GAPDH: variants seen among roughly 807,000 people sequenced by gnomAD.
The protein encoded by GAPDH is OCAS, p38 component.
GAPDH carries 13 observed loss-of-function variants against 31.2 expected under a neutral mutation model. That is an observed-to-expected ratio of 0.42 (90% CI 0.27 to 0.66). The LOEUF (loss-of-function observed/expected upper bound fraction) is 0.66, where lower values mean the gene tolerates loss of function less well. Among genes scored for constraint, GAPDH ranks in the 30% least tolerant of loss-of-function variants. The pLI, the probability that GAPDH is intolerant of heterozygous loss-of-function variation, is 0.26. For missense variants in GAPDH, 300 were observed against 443.7 expected (o/e 0.68, Z 2.91); for synonymous variants, 211 against 166.9 (o/e 1.26, Z -2.04).
Position 6,537,738 on chromosome 12 carries a change from A to G in GAPDH, c.680A>G (p.Lys227Arg). The G allele has an allele frequency of 6.2e-7, 1 of 1,611,712 alleles. No individual in the cohort carries two copies. The highest frequency in any genetic ancestry group is 1.1e-5 in the South Asian group (1 of 90,992). ...AAGGTCATCCCTGAGCTGAACGGGA[A>G]GCTCACTGGCATGGCCTTCCGTGTC... ...VGKVIPELNG[K>R]LTGMAFRVPT... Residue 227 changes from lysine to arginine, a missense_variant, in exon 8 of 9, where the codon AAG becomes AGG. Coordinates refer to ENST00000229239, the MANE Select transcript of GAPDH (RefSeq NM_002046.7). The surrounding 1 kb of genome is among the most constrained non-coding windows in gnomAD (Gnocchi z 4.9).
At chr12:6,536,427 C>A in intron 2 of GAPDH, 67 bp from the exon 3 acceptor site, 1 of 1,165,334 alleles carries the variant, frequency 8.6e-7, no homozygotes, top group Non-Finnish European at 1.3e-6. Context: ...GGGGAGGTGG[C>A]CTAGGGCTGC....
At chr12:6,535,116 C>A in intron 2 of GAPDH, 2 of 839,380 alleles carry the variant, frequency 2.4e-6, no homozygotes. Context: ...GTCCCTACTC[C>A]CGCCCGAGAT....
Position 6,537,341 on chromosome 12 carries a change from C to T in GAPDH, c.476C>T (p.Pro159Leu). ...TCCTGCACCACCAACTGCTTAGCACCCCTGGCCAAGGTCATCCATGACAAC... is the reference window on the plus strand; with the variant it reads ...TCCTGCACCACCAACTGCTTAGCACTCCTGGCCAAGGTCATCCATGACAAC... ...NASCTTNCLA[P>L]LAKVIHDNFG... The change falls in exon 7 of 9, where the codon CCC becomes CTC. Residue 159 changes from proline (P) to leucine (L), a missense_variant. By Grantham distance (98) the Pro-to-Leu change is moderately conservative. Coordinates refer to ENST00000229239, the MANE Select transcript of GAPDH (RefSeq NM_002046.7). The surrounding 1 kb of genome is among the most constrained non-coding windows in gnomAD (Gnocchi z 4.9). The T allele has an allele frequency of 1.9e-6, 3 of 1,610,222 alleles. No individual in the cohort carries two copies. Among genetic ancestry groups the T allele is most frequent in the Non-Finnish European group, 1.7e-6 (2 of 1,179,990 alleles).
In GAPDH at chr12:6,537,003, A is replaced by G. The variant is rs1361841795; in HGVS notation, c.320A>G (p.Lys107Arg). The G allele has an allele frequency of 1.9e-6, 3 of 1,613,754 alleles. No homozygotes were observed. The highest frequency in any genetic ancestry group is 1.3e-5 in the African/African-American group (1 of 74,852). Residue 107 changes from lysine to arginine, a missense_variant, in exon 5 of 9, where the codon AAG (lysine) becomes AGG (arginine). Transcript: ENST00000229239. The surrounding 1 kb of genome is among the most constrained non-coding windows in gnomAD (Gnocchi z 4.9). ...ESTGVFTTME[K>R]AGAHLQGGAK... ...ACTGGCGTCTTCACCACCATGGAGA[A>G]GGCTGGGGTGAGTGCAGGAGGGCCC...
chr12:6,537,549 G>C lies in GAPDH; in HGVS notation c.526-35G>C. ...GGGGAGGGAGGTAGAGGGGTGATGT[G>C]GGGAGTACGCTGCAGGGCCTCACTC... On this transcript the variant is annotated intron_variant, in intron 7 of 8. Transcript: ENST00000229239. This position sits in a 1 kb window ranked among gnomAD's most constrained non-coding sequence, Gnocchi z 4.9. 4 of 1,598,416 alleles carry C rather than the reference G, an allele frequency of 2.5e-6. No homozygotes were observed. Among genetic ancestry groups the C allele is most frequent in the Non-Finnish European group, 2.6e-6 (3 of 1,171,754 alleles).
intron 4 of GAPDH, 46 bp downstream of exon 4, chr12:6,536,836 T>C: frequency 2.5e-6 from 4 of 1,579,488 alleles, no homozygotes; most frequent in Non-Finnish European, 1.7e-6. Context: ...GGGAGGCAAC[T>C]AGGATGGTGT....
In GAPDH at chr12:6,537,524, G is replaced by T. The variant is rs959578414; in HGVS notation, c.526-60G>T. The T allele has an allele frequency of 2.1e-5, 33 of 1,587,306 alleles. No individual in the cohort carries two copies. The highest frequency in any genetic ancestry group is 2.7e-5 in the Non-Finnish European group (31 of 1,164,500). On this transcript the variant is annotated intron_variant, in intron 7 of 8. Coordinates refer to ENST00000229239, the MANE Select transcript of GAPDH (RefSeq NM_002046.7). The surrounding 1 kb of genome is among the most constrained non-coding windows in gnomAD (Gnocchi z 4.9). ...CTTTCCCATAATTTCCTTTCAAGGT[G>T]GGGAGGGAGGTAGAGGGGTGATGTG...
intron 2 of GAPDH, chr12:6,535,256 G>A: frequency 1.9e-6 from 2 of 1,051,544 alleles, no homozygotes; most frequent in East Asian, 7.7e-5. Flanking sequence ...CGCAGCGGGT[G>A]CATCCCTGTC....
chr12:6,538,196 A>G lies in GAPDH; in HGVS notation c.*26A>G, dbSNP rs1393056924. On this transcript the variant is annotated 3_prime_UTR_variant, in exon 9 of 9. Coordinates refer to ENST00000229239, the MANE Select transcript of GAPDH (RefSeq NM_002046.7). ...GACCCCTGGACCACCAGCCCCAGCA[A>G]GAGCACAAGAGGAAGAGAGAGACCC... 2 of 1,582,542 alleles carry G rather than the reference A, an allele frequency of 1.3e-6. No homozygotes were observed. The highest frequency in any genetic ancestry group is 1.7e-6 in the Non-Finnish European group (2 of 1,161,882).
In GAPDH at chr12:6,537,031, G is replaced by C; in HGVS notation, c.327+21G>C. 6.2e-7 allele frequency: 1 copy of C among 1,609,002 alleles called. No homozygotes were observed. The highest frequency in any genetic ancestry group is 8.5e-7 in the Non-Finnish European group (1 of 1,177,682). ...CTGGGGTGAGTGCAGGAGGGCCCGC[G>C]GGAGGGGAAGCTGACTCAGCCCTGC... is the stretch of plus-strand genomic sequence containing the variant. On this transcript the variant is annotated intron_variant, in intron 5 of 8. Coordinates refer to ENST00000229239, the MANE Select transcript of GAPDH (RefSeq NM_002046.7). This position sits in a 1 kb window ranked among gnomAD's most constrained non-coding sequence, Gnocchi z 4.9.
At chr12:6,535,289 G>A in intron 2 of GAPDH, 1 of 1,010,338 alleles carries the variant, frequency 9.9e-7, no homozygotes, top group Non-Finnish European at 1.2e-6. Context: ...CTGCGGTAGA[G>A]CGGCCGCCAT....
chr12:6,536,762 A>G lies in GAPDH; in HGVS notation c.208A>G (p.Asn70Asp). ...GGCTGAGAACGGGAAGCTTGTCATCAATGGAAATCCCATCACCATCTTCCA... is the reference window on the plus strand; with the variant it reads ...GGCTGAGAACGGGAAGCTTGTCATCGATGGAAATCCCATCACCATCTTCCA... ...VKAENGKLVI[N>D]GNPITIFQER... Residue 70 changes from asparagine to aspartate, a missense_variant, in exon 4 of 9, where the codon AAT (asparagine) becomes GAT (aspartate). Physicochemically the swap from Asn to Asp is conservative, Grantham distance 23. Coordinates refer to ENST00000229239, the MANE Select transcript of GAPDH (RefSeq NM_002046.7). The G allele has an allele frequency of 1.2e-6, 2 of 1,613,996 alleles. No homozygotes were observed. The highest frequency in any genetic ancestry group is 2.2e-5 in the South Asian group (2 of 91,080).
chr12:6,538,149 C>T lies in GAPDH; in HGVS notation c.987C>T (p.Ala329=). The T allele has an allele frequency of 6.2e-7, 1 of 1,611,722 alleles. No homozygotes were observed. Among genetic ancestry groups the T allele is most frequent in the African/African-American group, 1.3e-5 (1 of 74,998 alleles). ...GCAACAGGGTGGTGGACCTCATGGC[C>T]CACATGGCCTCCAAGGAGTAAGACC... ...GYSNRVVDLM[A]HMASKE is the part of the protein sequence containing the mutation. Residue 329 remains alanine, a synonymous_variant, in exon 9 of 9, where the codon GCC becomes GCT. Coordinates refer to ENST00000229239, the MANE Select transcript of GAPDH (RefSeq NM_002046.7).
rs2136073822 is a variant in GAPDH, at chr12:6,537,753, C to T, written c.695C>T (p.Ala232Val). 6.2e-7 allele frequency: 1 copy of T among 1,611,744 alleles called. No homozygotes were observed. The highest frequency in any genetic ancestry group is 8.5e-7 in the Non-Finnish European group (1 of 1,179,830). The change falls in exon 8 of 9, where the codon GCC becomes GTC. Residue 232 changes from alanine to valine, a missense_variant. Transcript: ENST00000229239. The surrounding 1 kb of genome is among the most constrained non-coding windows in gnomAD (Gnocchi z 4.9). ...PELNGKLTGM[A>V]FRVPTANVSV... The stretch of plus-strand genomic sequence containing the variant: ...CTGAACGGGAAGCTCACTGGCATGG[C>T]CTTCCGTGTCCCCACTGCCAACGTG...
At chr12:6,534,727 T>C (rs1277595929) in intron 1 of GAPDH, 83 bp from the exon 2 acceptor site, 1 of 1,211,994 alleles carries the variant, frequency 8.3e-7, no homozygotes, top group South Asian at 1.2e-5. Context: ...GGGCTGGGCA[T>C]GGAGGCCTGG....
In GAPDH at chr12:6,534,539, C is replaced by T. The variant is rs989298596; in HGVS notation, c.-54C>T. On this transcript the variant is annotated 5_prime_UTR_variant, in exon 1 of 9. Coordinates refer to ENST00000229239, the MANE Select transcript of GAPDH (RefSeq NM_002046.7). ...TTCGCTCTCTGCTCCTCCTGTTCGA[C>T]AGTCAGCCGCATCTTCTTTTGCGTC... The T allele has an allele frequency of 6.9e-5, 34 of 495,142 alleles. No homozygotes were observed. Among genetic ancestry groups the T allele is most frequent in the Admixed American group, 1.1e-4 (3 of 28,186 alleles). The allele number at this position is 495,142 out of a possible 1,614,324, so 30.7% of individuals were successfully genotyped here.
intron 1 of GAPDH, 100 bp downstream of exon 1, chr12:6,534,669 CG>C: frequency 1.3e-6 from 1 of 769,590 alleles, no homozygotes; most frequent in Non-Finnish European, 2.2e-6. Context: ...GGGGTGGGCC[CG>C]GGCGGCCTCC....
In GAPDH at chr12:6,537,030, C is replaced by T. The variant is rs192121392; in HGVS notation, c.327+20C>T. On this transcript the variant is annotated intron_variant, in intron 5 of 8. Transcript: ENST00000229239. The surrounding 1 kb of genome is among the most constrained non-coding windows in gnomAD (Gnocchi z 4.9). ...GCTGGGGTGAGTGCAGGAGGGCCCGCGGGAGGGGAAGCTGACTCAGCCCTG... is the reference window on the plus strand; with the variant it reads ...GCTGGGGTGAGTGCAGGAGGGCCCGTGGGAGGGGAAGCTGACTCAGCCCTG... The T allele has an allele frequency of 3.3e-4, 538 of 1,608,562 alleles. No individual in the cohort carries two copies. The highest frequency in any genetic ancestry group is 3.1e-3 in the Middle Eastern group (19 of 6,058).
Position 6,536,900 on chromosome 12 carries a change from T to G in GAPDH, c.237-20T>G. 7.8e-6 allele frequency: 11 copies of G among 1,406,462 alleles called. No individual in the cohort carries two copies. The highest frequency in any genetic ancestry group is 1.0e-5 in the Non-Finnish European group (10 of 991,704). 87.1% of individuals were successfully genotyped at this position (1,406,462 alleles called of 1,614,324 possible). On this transcript the variant is annotated intron_variant, in intron 4 of 8. Coordinates refer to ENST00000229239, the MANE Select transcript of GAPDH (RefSeq NM_002046.7). ...GTCCCTCAATATGGTCCTGTCCCCA[T>G]CTCCCCCCCACCCCCATAGGCGAGA...
Sources: gnomAD v4.1 joint callset for allele counts on GRCh38, gnomAD v4.1.1 for gene constraint, Gnocchi (gnomAD v3.1) non-coding constraint, MANE v1.5 for transcripts, NCBI Gene and HGNC (gene_info 2026-07-23, HGNC 2026-07-21) for gene names.